CCDC148: variants seen among roughly 807,000 people sequenced by gnomAD.
CCDC148 encodes coiled-coil domain-containing protein 148.
A neutral mutation model predicts 85.7 loss-of-function variants in CCDC148; 89 were observed. That is an observed-to-expected ratio of 1.04 (90% confidence interval 0.87 to 1.24). The LOEUF is 1.24. Among genes scored for constraint, CCDC148 ranks in the 50% most tolerant of loss-of-function variants. The probability of loss-of-function intolerance (pLI) is 0.00; values close to 1 mark genes in which losing one functional copy is unlikely to be tolerated. For missense variants in CCDC148, 692 were observed against 671.7 expected (o/e 1.03, Z -0.33); for synonymous variants, 230 against 213.9 (o/e 1.08, Z -0.66).
chr2:158,226,542 T>C (rs1429501419), intron 10 of CCDC148, among the ~76,000 whole-genome samples: 1 of 152,120 alleles, frequency 6.6e-6, no homozygotes, highest in Non-Finnish European at 1.5e-5. Context: ...TGAACATCGA[T>C]GCAAAAATAA....
At chr2:158,289,649 G>C (rs1224159877) in intron 9 of CCDC148, among the ~76,000 whole-genome samples, 1 of 152,182 alleles carries the variant, frequency 6.6e-6, no homozygotes, top group Non-Finnish European at 1.5e-5. Flanking sequence ...TCTGGTACAA[G>C]CTTGTTAGGA....
In CCDC148 at chr2:158,323,643, C is replaced by T. The variant is rs372944753; in HGVS notation, c.765-9749G>A. On this transcript the variant is annotated intron_variant, in intron 7 of 13. Transcript: ENST00000283233. ...TTCAGATGTGCAGAAGAGATGTAATCTTGCCCAACCATTTACCATGTCAGA... is the reference window on the plus strand; with the variant it reads ...TTCAGATGTGCAGAAGAGATGTAATTTTGCCCAACCATTTACCATGTCAGA... 8.5e-5 allele frequency among the ~76,000 whole-genome samples: 13 copies of T among 152,276 alleles called. 2 individuals carry two copies. Among genetic ancestry groups the T allele is most frequent in the Admixed American group, 6.5e-4 (10 of 15,290 alleles).
chr2:158,429,782 T>C (rs1291198022), intron 1 of CCDC148, among the ~76,000 whole-genome samples: 2 of 152,134 alleles, frequency 1.3e-5, no homozygotes, highest in Non-Finnish European at 2.9e-5. Flanking sequence ...TTTTCACAAA[T>C]TGGATAACAG....
intron 4 of CCDC148, 99 bp from the exon 5 acceptor site, chr2:158,340,492 G>GA (rs1363329416): frequency 4.2e-5 from 61 of 1,465,242 alleles, no homozygotes; most frequent in South Asian, 1.3e-5. Context: ...GATTTCCTTA[G>GA]AAAAAAACAA....
chr2:158,204,567 C>T (rs1344596640), intron 11 of CCDC148, among the ~76,000 whole-genome samples: 1 of 152,070 alleles, frequency 6.6e-6, no homozygotes, highest in Non-Finnish European at 1.5e-5. Flanking sequence ...CTCCAAATGA[C>T]AGTTCCCAGC....
intron 1 of CCDC148, among the ~76,000 whole-genome samples, chr2:158,415,555 G>A (rs139430102): frequency 7.8e-4 from 119 of 152,216 alleles, no homozygotes; most frequent in Non-Finnish European, 1.3e-3. Context: ...ACTCATTTCC[G>A]CATTAACTCA....
chr2:158,437,230 A>G (rs1397060081), intron 1 of CCDC148, among the ~76,000 whole-genome samples: 1 of 152,198 alleles, frequency 6.6e-6, no homozygotes, highest in African/African-American at 2.4e-5. Flanking sequence ...AATCCTCAAT[A>G]AAATACCGGT....
chr2:158,393,228 C>T (rs1484483194), intron 1 of CCDC148: 1 of 151,976 alleles, frequency 6.6e-6, no homozygotes. Context: ...AAAAGCTTAC[C>T]ATATTGCCTT....
chr2:158,417,382 G>A (rs1054201724), intron 1 of CCDC148, among the ~76,000 whole-genome samples: 2 of 152,222 alleles, frequency 1.3e-5, no homozygotes, highest in African/African-American at 4.8e-5. Context: ...CTGATGGACA[G>A]CCCCAGCTAC....
intron 10 of CCDC148, among the ~76,000 whole-genome samples, chr2:158,247,211 A>G (rs186035378): frequency 6.6e-6 from 1 of 152,214 alleles, no homozygotes; most frequent in Non-Finnish European, 1.5e-5. Flanking sequence ...AGTTACAGAG[A>G]AAGAAAACTC....
chr2:158,215,374 C>T (rs1686795012), intron 11 of CCDC148, among the ~76,000 whole-genome samples: 1 of 152,104 alleles, frequency 6.6e-6, no homozygotes. Context: ...TTGTGCTCTA[C>T]AAAAATGACC....
At chr2:158,383,650 G>C (rs1684969669) in intron 1 of CCDC148, among the ~76,000 whole-genome samples, 1 of 152,058 alleles carries the variant, frequency 6.6e-6, no homozygotes, top group African/African-American at 2.4e-5. Flanking sequence ...TAGAGTATAA[G>C]GAAGTTTATT....
intron 1 of CCDC148, among the ~76,000 whole-genome samples, chr2:158,403,855 C>T (rs371806007): frequency 6.6e-6 from 1 of 152,082 alleles, no homozygotes; most frequent in Admixed American, 6.6e-5. Flanking sequence ...AAGTTGTTAC[C>T]AACCTAACTT....
chr2:158,291,638 C>G (rs544163011), intron 9 of CCDC148, among the ~76,000 whole-genome samples: 1 of 152,084 alleles, frequency 6.6e-6, no homozygotes, highest in Non-Finnish European at 1.5e-5. Context: ...TCTGTGCTCC[C>G]GTAATTCTTA....
At chr2:158,442,889 C>G (rs974309014) in intron 1 of CCDC148, among the ~76,000 whole-genome samples, 2 of 152,168 alleles carry the variant, frequency 1.3e-5, no homozygotes, top group Non-Finnish European at 2.9e-5. Context: ...TGAGATCATC[C>G]AGCTGCTGAG....
chr2:158,179,049 A>G, intron 11 of CCDC148, 53 bp from the exon 12 acceptor site: 1 of 1,382,666 alleles, frequency 7.2e-7, no homozygotes, highest in Non-Finnish European at 1.0e-6. Flanking sequence ...AATATTGGAG[A>G]TTGTACAGAA....
chr2:158,360,711 A>G (rs531147055), intron 1 of CCDC148, among the ~76,000 whole-genome samples: 21 of 152,266 alleles, frequency 1.4e-4, no homozygotes, highest in African/African-American at 4.3e-4. Flanking sequence ...ATCCACGAAA[A>G]TGGGGAGAAG....
intron 3 of CCDC148, among the ~76,000 whole-genome samples, chr2:158,343,605 A>G (rs912826678): frequency 2.6e-5 from 4 of 152,156 alleles, no homozygotes; most frequent in Non-Finnish European, 4.4e-5. Context: ...AGATTCTTAA[A>G]TGTTGTCTTT....
At chr2:158,199,417 G>C (rs1685840215) in intron 11 of CCDC148, among the ~76,000 whole-genome samples, 1 of 151,976 alleles carries the variant, frequency 6.6e-6, no homozygotes, top group Non-Finnish European at 1.5e-5. Flanking sequence ...GCTAATTTTA[G>C]TATTTTCAGT....
Sources: allele counts gnomAD v4.1 joint callset (sites outside exome capture counted in the v4.1 genomes callset), GRCh38; gene constraint gnomAD v4.1.1; transcripts MANE v1.5; gene names NCBI Gene and HGNC (gene_info 2026-07-23, HGNC 2026-07-21).